The following IMPG2 variants were observed in gnomAD, a reference collection of about 807,000 sequenced individuals.
The protein encoded by IMPG2 is interphotoreceptor matrix proteoglycan 2.
IMPG2 carries 91 observed loss-of-function variants against 129.2 expected under a neutral mutation model. The observed-to-expected ratio is 0.70, with a 90% CI of 0.59 to 0.84. IMPG2 has a LOEUF of 0.84. IMPG2 is among the 40% of genes least tolerant of loss of function. The probability of loss-of-function intolerance (pLI) is 0.00; values close to 1 mark genes in which losing one functional copy is unlikely to be tolerated. For missense variants in IMPG2, 1,430 were observed against 1,461.7 expected (o/e 0.98, Z 0.35); for synonymous variants, 510 against 517.7 (o/e 0.99, Z 0.20).
chr3:101,272,859 A>G (rs937566361), intron 7 of IMPG2, among the ~76,000 whole-genome samples: 2 of 152,230 alleles, frequency 1.3e-5, no homozygotes, highest in African/African-American at 2.4e-5. Context: ...AAGGAATGGG[A>G]AAAAATAAAC....
chr3:101,312,641 T>A (rs1162667314), intron 2 of IMPG2, among the ~76,000 whole-genome samples: 1 of 152,100 alleles, frequency 6.6e-6, no homozygotes, highest in Non-Finnish European at 1.5e-5. Flanking sequence ...AGTTACTATA[T>A]GACCCAGAAA....
chr3:101,276,390 C>T (rs1363074140), intron 5 of IMPG2, among the ~76,000 whole-genome samples: 2 of 152,088 alleles, frequency 1.3e-5, no homozygotes, highest in East Asian at 1.9e-4. Flanking sequence ...AGAGTGTTTG[C>T]CTTAAAATAA....
intron 2 of IMPG2, among the ~76,000 whole-genome samples, chr3:101,305,385 C>T (rs1490404294): frequency 6.6e-6 from 1 of 152,038 alleles, no homozygotes; most frequent in African/African-American, 2.4e-5. Flanking sequence ...GAGAGTACTC[C>T]ATATGATACT....
Position 101,267,503 on chromosome 3 carries a change from A to G in IMPG2, c.908+8T>C, listed in dbSNP as rs779201222. ...TCAATGGACATTAGAGAAAGTGCCA[A>G]AAAGTACCTGTCATTTTCCTTGGGG... On this transcript the variant is annotated splice_region_variant and intron_variant, in intron 9 of 18. Transcript: ENST00000193391. 1 of 1,611,242 alleles carries G rather than the reference A, an allele frequency of 6.2e-7. No homozygotes were observed. Among genetic ancestry groups the G allele is most frequent in the Non-Finnish European group, 8.5e-7 (1 of 1,177,432 alleles).
At chr3:101,251,464 G>A (rs1706543454) in intron 11 of IMPG2, among the ~76,000 whole-genome samples, 2 of 152,118 alleles carry the variant, frequency 1.3e-5, no homozygotes, top group South Asian at 4.1e-4. Flanking sequence ...TACATGCCAG[G>A]AATAGCCCTT....
chr3:101,243,853 C>A lies in IMPG2; in HGVS notation c.2478G>T (p.Leu826=). The change falls in exon 13 of 19, where the codon CTG becomes CTT. Residue 826 remains leucine (L), a synonymous_variant. Coordinates refer to ENST00000193391, the MANE Select transcript of IMPG2 (RefSeq NM_016247.4). The part of the protein sequence containing the change: ...TKLPPTTIST[L]LEDEVIMGVQ... ...CACCCATAATTACTTCATCCTCTAG[C>A]AGGGTGGAGATTGTGGTTGGAGGCA... 1 of 1,614,164 alleles carries A rather than the reference C, an allele frequency of 6.2e-7. No homozygotes were observed. The highest frequency in any genetic ancestry group is 8.5e-7 in the Non-Finnish European group (1 of 1,180,008).
intron 10 of IMPG2, among the ~76,000 whole-genome samples, chr3:101,255,886 T>C (rs348883): frequency 0.81 from 122,148 of 151,510 alleles, 49,291 homozygotes; most frequent in Admixed American, 0.84. Context: ...AGTTCTATAA[T>C]ACTCTCATTC....
intron 14 of IMPG2, among the ~76,000 whole-genome samples, chr3:101,233,342 T>A (rs1364264763): frequency 6.6e-6 from 1 of 152,158 alleles, no homozygotes; most frequent in Non-Finnish European, 1.5e-5. Flanking sequence ...TAAATGCAGT[T>A]TTCATGGACC....
intron 3 of IMPG2, among the ~76,000 whole-genome samples, chr3:101,302,379 A>G (rs994424973): frequency 2.6e-5 from 4 of 152,224 alleles, no homozygotes; most frequent in Non-Finnish European, 4.4e-5. Flanking sequence ...AATTAGAAAT[A>G]TAAGTATGTA....
In IMPG2 at chr3:101,244,130, T is replaced by G. The variant is rs765147478; in HGVS notation, c.2201A>C (p.Asp734Ala). 6 of 1,614,112 alleles carry G rather than the reference T, an allele frequency of 3.7e-6. No homozygotes were observed. Among genetic ancestry groups the G allele is most frequent in the Non-Finnish European group, 5.1e-6 (6 of 1,180,020 alleles). The change falls in exon 13 of 19, where the codon GAT becomes GCT. Residue 734 changes from aspartate to alanine, a missense_variant. Transcript: ENST00000193391. ...LTSVAISAST[D>A]KSDQADAILR... ...GATGGCATCTGCCTGATCTGATTTATCAGTAGAGGCAGAGATTGCTACAGA... is the reference window on the plus strand; with the variant it reads ...GATGGCATCTGCCTGATCTGATTTAGCAGTAGAGGCAGAGATTGCTACAGA...
At chr3:101,256,150 AAAGAAAG>A (rs1706600163) in intron 10 of IMPG2, among the ~76,000 whole-genome samples, 3 of 56,478 alleles carry the variant, frequency 5.3e-5, no homozygotes, top group Admixed American at 3.6e-4. Context: ...GAAAGAAAAG[AAAGAAAG>A]AAAGAAAGAA....
chr3:101,316,780 T>G (rs2058787967), intron 2 of IMPG2, among the ~76,000 whole-genome samples: 1 of 152,208 alleles, frequency 6.6e-6, no homozygotes, highest in Non-Finnish European at 1.5e-5. Flanking sequence ...GAAAAACTTG[T>G]ACCCAAATGA....
chr3:101,302,781 T>C (rs1707152113), intron 3 of IMPG2, among the ~76,000 whole-genome samples: 1 of 152,144 alleles, frequency 6.6e-6, no homozygotes, highest in African/African-American at 2.4e-5. Flanking sequence ...ATGCAATACG[T>C]TTCATTAAAA....
At chr3:101,228,731 T>G in intron 18 of IMPG2, 66 bp downstream of exon 18, 1 of 1,225,376 alleles carries the variant, frequency 8.2e-7, no homozygotes, top group Non-Finnish European at 1.2e-6. Context: ...CACTCAGGTG[T>G]GACATTACTC....
intron 17 of IMPG2, 80 bp downstream of exon 17, chr3:101,229,300 A>ACCCCCCCCCCCCCC: frequency 7.0e-6 from 6 of 859,098 alleles, no homozygotes; most frequent in Admixed American, 1.8e-5. Context: ...ACTCATACAC[A>ACCCCCCCCCCCCCC]CCCCCACCCA....
Position 101,243,001 on chromosome 3 carries a change from C to T in IMPG2, c.2803-94G>A, listed in dbSNP as rs1418906434. 3.1e-6 allele frequency: 3 copies of T among 954,142 alleles called. No homozygotes were observed. The Admixed American group carries it at 5.4e-5, about 17-fold the overall frequency. 59.1% of individuals were successfully genotyped at this position (954,142 alleles called of 1,614,324 possible). A position where few individuals can be genotyped will look rare whatever the true frequency, so the allele number is the denominator to read the frequency against. On this transcript the variant is annotated intron_variant, in intron 13 of 18. Transcript: ENST00000193391. ...AACAAAACAAAAACACAGGTAAGACCCTGCCTCACTTTTCCTAATTGTATT... is the reference window on the plus strand; with the variant it reads ...AACAAAACAAAAACACAGGTAAGACTCTGCCTCACTTTTCCTAATTGTATT...
Position 101,319,701 on chromosome 3 carries a change from T to G in IMPG2, c.217A>C (p.Arg73=). ...CTCCGCCTTCTGATTAACCACTGTC[T>G]TTCAGTTTCTCTGCGGTCCAGAGGC... The part of the protein sequence containing the change: ...KQPLDRRETE[R]QWLIRRRRSI... The change falls in exon 2 of 19, where the codon AGA becomes CGA. Residue 73 remains arginine, a synonymous_variant. Transcript: ENST00000193391. The G allele has an allele frequency of 6.2e-7, 1 of 1,613,750 alleles. No individual in the cohort carries two copies. Among genetic ancestry groups the G allele is most frequent in the Non-Finnish European group, 8.5e-7 (1 of 1,179,836 alleles).
intron 9 of IMPG2, among the ~76,000 whole-genome samples, chr3:101,263,112 A>G (rs1348483073): frequency 2.6e-5 from 4 of 152,072 alleles, no homozygotes; most frequent in Non-Finnish European, 2.9e-5. Context: ...GAGGACTTCA[A>G]CACCCCATTA....
At chr3:101,231,855 G>A (rs575967143) in intron 15 of IMPG2, among the ~76,000 whole-genome samples, 1 of 152,268 alleles carries the variant, frequency 6.6e-6, no homozygotes, top group African/African-American at 2.4e-5. Context: ...TTTGTTTAAG[G>A]GGAGTGGGCA....
Sources: allele counts gnomAD v4.1 joint callset (sites outside exome capture counted in the v4.1 genomes callset), GRCh38; gene constraint gnomAD v4.1.1; transcripts MANE v1.5; gene names NCBI Gene and HGNC (gene_info 2026-07-23, HGNC 2026-07-21).